DYSF: variants seen among roughly 807,000 people sequenced by gnomAD.
DYSF encodes the protein dysferlin, also known as dystrophy-associated fer-1-like 1.
DYSF carries 212 observed loss-of-function variants against 274.9 expected under a neutral mutation model. The observed-to-expected ratio is 0.77, with a 90% CI of 0.69 to 0.86. The LOEUF is 0.86. DYSF is among the 40% of genes least tolerant of loss of function. DYSF has a pLI of 0.00. For missense variants in DYSF, 2,666 were observed against 2,783.2 expected (o/e 0.96, Z 0.95); for synonymous variants, 1,091 against 1,078.7 (o/e 1.01, Z -0.22).
chr2:71,549,980 C>A (rs11896395), intron 17 of DYSF, among the ~76,000 whole-genome samples: 82,817 of 152,012 alleles, frequency 0.54, 23,392 homozygotes, highest in Middle Eastern at 0.63. Context: ...CTTCTGGTCC[C>A]TCCCTGTCCT....
Position 71,561,921 on chromosome 2 carries a change from C to A in DYSF, c.2386C>A (p.Arg796Ser). 3.7e-6 allele frequency: 6 copies of A among 1,614,028 alleles called. No individual in the cohort carries two copies. Among genetic ancestry groups the A allele is most frequent in the Non-Finnish European group, 5.1e-6 (6 of 1,179,974 alleles). The change falls in exon 23 of 56, where the codon CGT becomes AGT. Residue 796 changes from arginine (R) to serine (S), a missense_variant. Arg to Ser is a moderately radical substitution (Grantham distance 110). Around this residue, in one of 3 missense-constraint regions of DYSF, gnomAD observed 412 missense variants for 504.0 expected, o/e 0.82. Transcript: ENST00000410020. ...GGAGCAGGCGGAGGACTGGCTCCTGCGTCTGCGTGCCCTGGCAGAGGAGGT... is the reference window on the plus strand; with the variant it reads ...GGAGCAGGCGGAGGACTGGCTCCTGAGTCTGCGTGCCCTGGCAGAGGAGGT... ...ALEQAEDWLL[R>S]LRALAEEPQN...
At chr2:71,649,137 C>A (rs75385190) in intron 42 of DYSF, among the ~76,000 whole-genome samples, 1,833 of 89,338 alleles carry the variant, frequency 0.021, no homozygotes, top group African/African-American at 0.027. Flanking sequence ...ACTTTGTCTC[C>A]AAAAAAAAAA....
chr2:71,570,592 C>T lies in DYSF; in HGVS notation c.3086-7C>T, dbSNP rs752117170. The T allele has an allele frequency of 5.6e-6, 9 of 1,613,174 alleles. No individual in the cohort carries two copies. Among genetic ancestry groups the T allele is most frequent in the Non-Finnish European group, 7.6e-6 (9 of 1,179,700 alleles). ...AAGCAATGAGTGACCGGTTCCCCCT[C>T]CCCCAGGCTGGGAGTATAGCATCAC... is the stretch of plus-strand genomic sequence containing the variant. On this transcript the variant is annotated splice_region_variant and splice_polypyrimidine_tract_variant and intron_variant, in intron 28 of 55. Coordinates refer to ENST00000410020, the MANE Select transcript of DYSF (RefSeq NM_001130987.2).
chr2:71,569,649 C>T (rs1410171136), intron 26 of DYSF, among the ~76,000 whole-genome samples, 171 bp from the exon 27 acceptor site: 2 of 152,118 alleles, frequency 1.3e-5, no homozygotes, highest in South Asian at 2.1e-4. Context: ...CCCTAGGTCT[C>T]CTTTTCACTG....
chr2:71,612,979 T>C (rs2093800600), intron 39 of DYSF, among the ~76,000 whole-genome samples, 173 bp downstream of exon 39: 1 of 152,026 alleles, frequency 6.6e-6, no homozygotes, highest in East Asian at 1.9e-4. Flanking sequence ...AGAGCCTAGC[T>C]CTGGGTGGGG....
At chr2:71,618,207 G>GGTGTGTGTGTGTGGT (rs1558638059) in intron 40 of DYSF, among the ~76,000 whole-genome samples, 1 of 62,868 alleles carries the variant, frequency 1.6e-5, no homozygotes, top group Non-Finnish European at 3.1e-5. Context: ...GTAGAGATGG[G>GGTGTGTGTGTGTGGT]ATGTGTGTGT....
In DYSF at chr2:71,568,029, GAGA is replaced by G. The variant is rs1412382223; in HGVS notation, c.2647_2649del (p.Lys883del). 2 of 1,614,192 alleles carry G rather than the reference GAGA, an allele frequency of 1.2e-6. No homozygotes were observed. Among genetic ancestry groups the G allele is most frequent in the Non-Finnish European group, 1.7e-6 (2 of 1,180,044 alleles). Reference sequence around the variant, plus strand: ...GCTGTGGTTTGGGCTCTCAGTGGATGAGAAGGAGTTCAACCAGTTTGCTGAGGG... The same window carrying G: ...GCTGTGGTTTGGGCTCTCAGTGGATGAGGAGTTCAACCAGTTTGCTGAGGG... On this transcript the variant is annotated inframe_deletion, in exon 25 of 56. Transcript: ENST00000410020.
intron 13 of DYSF, among the ~76,000 whole-genome samples, 190 bp from the exon 14 acceptor site, chr2:71,528,108 C>T (rs906081857): frequency 4.6e-5 from 7 of 152,170 alleles, no homozygotes; most frequent in East Asian, 1.9e-4. Context: ...CAAAGTGGCC[C>T]GGAGCTCTCA....
chr2:71,565,264 T>A (rs995261452), intron 24 of DYSF, among the ~76,000 whole-genome samples: 5 of 148,782 alleles, frequency 3.4e-5, no homozygotes, highest in East Asian at 3.9e-4. Context: ...TTTTTTTTTT[T>A]AATTTTAGTG....
chr2:71,638,515 C>T (rs947227114), intron 41 of DYSF, among the ~76,000 whole-genome samples: 8 of 152,152 alleles, frequency 5.3e-5, no homozygotes, highest in Non-Finnish European at 1.2e-4. Flanking sequence ...CCCTGGCAAC[C>T]ACTAAATATT....
In DYSF at chr2:71,674,255, A is replaced by T; in HGVS notation, c.5843A>T (p.Gln1948Leu). ...AAAATCCCAGCACGAGTGGTGTTCC[A>T]GATCTGGGACAATGACAAGTTCTCC... Reference protein sequence around the residue: ...ESKIPARVVFQIWDNDKFSFD... With the variant: ...ESKIPARVVFLIWDNDKFSFD... The change falls in exon 52 of 56, where the codon CAG becomes CTG. Residue 1948 changes from glutamine (Q) to leucine (L), a missense_variant. Physicochemically the swap from Gln to Leu is moderately radical, Grantham distance 113. Transcript: ENST00000410020. The T allele has an allele frequency of 6.2e-7, 1 of 1,614,262 alleles. No individual in the cohort carries two copies. Among genetic ancestry groups the T allele is most frequent in the South Asian group, 1.1e-5 (1 of 91,088 alleles).
At chr2:71,681,132 C>G (rs1485566393) in intron 54 of DYSF, 22 bp downstream of exon 54, 1 of 1,605,350 alleles carries the variant, frequency 6.2e-7, no homozygotes, top group South Asian at 1.1e-5. Flanking sequence ...GCCCCTGAGC[C>G]CCAATGCCCA....
intron 41 of DYSF, among the ~76,000 whole-genome samples, chr2:71,633,845 C>T (rs2094353143): frequency 2.6e-5 from 4 of 152,140 alleles, no homozygotes; most frequent in Non-Finnish European, 5.9e-5. Context: ...TCTGTACCTG[C>T]CCCCTGTCTC....
chr2:71,618,348 G>A (rs868661873), intron 40 of DYSF, among the ~76,000 whole-genome samples: 556 of 17,644 alleles, frequency 0.032, 13 homozygotes, highest in Non-Finnish European at 0.05. Context: ...GTGTGGTAGA[G>A]GGGTGTGTGT....
intron 4 of DYSF, among the ~76,000 whole-genome samples, chr2:71,511,590 C>T (rs892436338): frequency 6.6e-6 from 1 of 152,230 alleles, no homozygotes; most frequent in Non-Finnish European, 1.5e-5. Context: ...GGTCACACAG[C>T]TCCTGAGTGG....
Position 71,613,363 on chromosome 2 carries a change from G to A in DYSF, c.4417G>A (p.Asp1473Asn). Residue 1473 changes from aspartate to asparagine, a missense_variant, in exon 40 of 56, where the codon GAC (aspartate) becomes AAC (asparagine). By Grantham distance (23) the Asp-to-Asn change is conservative. Coordinates refer to ENST00000410020, the MANE Select transcript of DYSF (RefSeq NM_001130987.2). ...DDVSLLSPGE[D>N]VLIDIDDKEP... ...TGTGAGCCTACTCAGTCCTGGGGAA[G>A]ACGTGCTCATCGACATTGATGACAA... 6.2e-7 allele frequency: 1 copy of A among 1,613,602 alleles called. No homozygotes were observed. The highest frequency in any genetic ancestry group is 2.2e-5 in the East Asian group (1 of 44,864).
Position 71,570,631 on chromosome 2 carries a change from C to A in DYSF, c.3118C>A (p.Arg1040=). The change falls in exon 29 of 56, where the codon CGG becomes AGG. Residue 1040 remains arginine (R), a synonymous_variant. Coordinates refer to ENST00000410020, the MANE Select transcript of DYSF (RefSeq NM_001130987.2). ...GTATAGCATCACCATCCCCCCGGAG[C>A]GGAAGCCGAAGCACTGGGTCCCTGC... ...WEYSITIPPE[R]KPKHWVPAEK... 6.2e-7 allele frequency: 1 copy of A among 1,614,078 alleles called. No individual in the cohort carries two copies. Among genetic ancestry groups the A allele is most frequent in the Non-Finnish European group, 8.5e-7 (1 of 1,179,980 alleles).
chr2:71,680,917 C>A, intron 53 of DYSF, 84 bp from the exon 54 acceptor site: 1 of 1,106,034 alleles, frequency 9.0e-7, no homozygotes, highest in Non-Finnish European at 1.4e-6. Flanking sequence ...TGAAGTGGCC[C>A]TTATGTTTTT....
chr2:71,619,812 C>T (rs915212060), intron 40 of DYSF, among the ~76,000 whole-genome samples: 58 of 152,154 alleles, frequency 3.8e-4, no homozygotes, highest in Non-Finnish European at 4.9e-4. Flanking sequence ...CCTAGAGTAT[C>T]GTAGTGGTCT....
Sources: gnomAD v4.1 joint callset for allele counts (sites outside exome capture counted in the v4.1 genomes callset) on GRCh38, gnomAD v4.1.1 for gene constraint, gnomAD v4.1.1 regional missense constraint, MANE v1.5 for transcripts, NCBI Gene and HGNC (gene_info 2026-07-23, HGNC 2026-07-21) for gene names.